ZNHIT6: variants seen among roughly 807,000 people sequenced by gnomAD.
The protein encoded by ZNHIT6 is zinc finger HIT-type containing 6, also known as box C/D snoRNA protein 1.
Under a neutral mutation model 57.2 loss-of-function variants are expected in ZNHIT6, and 45 were observed. That is an observed-to-expected ratio of 0.79 (90% CI 0.62 to 1.01). The LOEUF is 1.01. ZNHIT6 is among the 50% of genes least tolerant of loss of function. ZNHIT6 has a pLI of 0.00. For missense variants in ZNHIT6, 528 were observed against 567.3 expected (o/e 0.93, Z 0.70); for synonymous variants, 188 against 190.0 (o/e 0.99, Z 0.09).
At chr1:85,661,011 G>A (rs937695797) in intron 8 of ZNHIT6, among the ~76,000 whole-genome samples, 5 of 152,062 alleles carry the variant, frequency 3.3e-5, no homozygotes, top group African/African-American at 9.7e-5. Flanking sequence ...TAAATGAAGC[G>A]TTCAGATTTC....
intron 9 of ZNHIT6, among the ~76,000 whole-genome samples, chr1:85,654,898 A>C (rs529656932): frequency 6.6e-6 from 1 of 152,336 alleles, no homozygotes; most frequent in South Asian, 2.1e-4. Flanking sequence ...AAGAAAAATA[A>C]AGCTCAGAGA....
At chr1:85,700,378 TA>T (rs957531061) in intron 5 of ZNHIT6, among the ~76,000 whole-genome samples, 18 of 152,264 alleles carry the variant, frequency 1.2e-4, no homozygotes, top group African/African-American at 4.3e-4. Context: ...TGGGAAACAC[TA>T]AAAATGTAAG....
chr1:85,666,440 T>C (rs945748990), intron 8 of ZNHIT6, among the ~76,000 whole-genome samples: 3 of 152,192 alleles, frequency 2.0e-5, no homozygotes, highest in South Asian at 4.1e-4. Flanking sequence ...AGAATCAGAA[T>C]AGAATATATT....
chr1:85,704,053 T>G (rs1349453896), intron 4 of ZNHIT6, among the ~76,000 whole-genome samples: 2 of 152,134 alleles, frequency 1.3e-5, no homozygotes, highest in Non-Finnish European at 2.9e-5. Context: ...ATTAAAGAAC[T>G]GCACATTTAA....
At chr1:85,665,976 GGA>G (rs1463018776) in intron 8 of ZNHIT6, among the ~76,000 whole-genome samples, 3 of 152,164 alleles carry the variant, frequency 2.0e-5, no homozygotes, top group Non-Finnish European at 4.4e-5. Flanking sequence ...TCAAGAAAAT[GGA>G]GAGTTGGGAC....
intron 7 of ZNHIT6, among the ~76,000 whole-genome samples, chr1:85,678,425 A>C (rs1280605246): frequency 6.6e-6 from 1 of 152,138 alleles, no homozygotes; most frequent in Non-Finnish European, 1.5e-5. Context: ...CAGTTTCTCC[A>C]TCTGTAAAAT....
At chr1:85,681,150 T>C (rs1661862007) in intron 5 of ZNHIT6, among the ~76,000 whole-genome samples, 2 of 152,244 alleles carry the variant, frequency 1.3e-5, no homozygotes, top group African/African-American at 4.8e-5. Flanking sequence ...TCAGGGGCTT[T>C]TGGGAGCAGT....
At chr1:85,695,535 C>T (rs910455778) in intron 5 of ZNHIT6, among the ~76,000 whole-genome samples, 2 of 152,094 alleles carry the variant, frequency 1.3e-5, no homozygotes, top group Non-Finnish European at 2.9e-5. Flanking sequence ...ATATTTTGTT[C>T]AGCTTCAGAA....
intron 6 of ZNHIT6, among the ~76,000 whole-genome samples, chr1:85,680,430 C>T (rs1164185208): frequency 6.6e-6 from 1 of 152,142 alleles, no homozygotes; most frequent in African/African-American, 2.4e-5. Flanking sequence ...AAATAGGAAA[C>T]TTTCAGCCGT....
rs781575796 is a variant in ZNHIT6, at chr1:85,708,111, C to A, written c.174G>T (p.Gly58=). ...GTGLTGIKEI[G]DGEEGSGQRP... is the part of the protein sequence containing the mutation. ...TTTGTCCACTTCCTTCCTCTCCATC[C>A]CCTATCTCCTTTATCCCTGTCAGCC... Residue 58 remains glycine, a synonymous_variant, in exon 1 of 10, where the codon GGG becomes GGT. Coordinates refer to ENST00000370574, the MANE Select transcript of ZNHIT6 (RefSeq NM_017953.4). The A allele has an allele frequency of 2.5e-5, 41 of 1,614,022 alleles. No homozygotes were observed. Among genetic ancestry groups the A allele is most frequent in the African/African-American group, 8.0e-5 (6 of 74,910 alleles).
chr1:85,677,283 C>A lies in ZNHIT6; in HGVS notation c.1200G>T (p.Gly400=). 2 of 1,608,284 alleles carry A rather than the reference C, an allele frequency of 1.2e-6. No individual in the cohort carries two copies. The highest frequency in any genetic ancestry group is 1.7e-4 in the Middle Eastern group (1 of 5,970). ...ATTCAATCTTCATTAAAATCTGAAC[C>A]CCAGTCTGAGAGCGAATGTAGGCTT... is the stretch of plus-strand genomic sequence containing the variant. The part of the protein sequence containing the change: ...RLKAYIRSQT[G]VQILMKIEYM... Residue 400 remains glycine (G), a synonymous_variant, in exon 8 of 10, where the codon GGG becomes GGT. Transcript: ENST00000370574.
chr1:85,688,660 C>A (rs1213527607), intron 5 of ZNHIT6, among the ~76,000 whole-genome samples: 1 of 152,168 alleles, frequency 6.6e-6, no homozygotes, highest in African/African-American at 2.4e-5. Context: ...AACATACTTT[C>A]CTGGACACAA....
At chr1:85,668,453 A>C (rs911220624) in intron 8 of ZNHIT6, among the ~76,000 whole-genome samples, 1 of 152,162 alleles carries the variant, frequency 6.6e-6, no homozygotes, top group South Asian at 2.1e-4. Context: ...CTAATTCTTC[A>C]ACAGTTATTT....
intron 5 of ZNHIT6, among the ~76,000 whole-genome samples, chr1:85,697,290 T>C (rs541794213): frequency 3.3e-5 from 5 of 152,330 alleles, no homozygotes; most frequent in Non-Finnish European, 7.3e-5. Context: ...CTTTTCACTT[T>C]ATTATGGTCT....
Position 85,707,707 on chromosome 1 carries a change from A to C in ZNHIT6, c.578T>G (p.Ile193Ser), listed in dbSNP as rs1031650098. The change falls in exon 1 of 10, where the codon ATC becomes AGC. Residue 193 changes from isoleucine (I) to serine (S), a missense_variant. Coordinates refer to ENST00000370574, the MANE Select transcript of ZNHIT6 (RefSeq NM_017953.4). Reference sequence around the variant, plus strand: ...TTCTTTCACCTTTGTATCATCCACGATTTCTTTCTTCAGGAAATCCTTCTC... The same window carrying C: ...TTCTTTCACCTTTGTATCATCCACGCTTTCTTTCTTCAGGAAATCCTTCTC... ...KEEKDFLKKEIVDDTKVKEEP... is the reference protein window; with the variant it reads ...KEEKDFLKKESVDDTKVKEEP... 1.2e-6 allele frequency: 2 copies of C among 1,609,814 alleles called. No homozygotes were observed. The highest frequency in any genetic ancestry group is 1.7e-6 in the Non-Finnish European group (2 of 1,178,404).
intron 8 of ZNHIT6, among the ~76,000 whole-genome samples, chr1:85,662,024 C>T (rs1331293240): frequency 6.6e-6 from 1 of 152,008 alleles, no homozygotes; most frequent in East Asian, 1.9e-4. Flanking sequence ...GTTACAGTGA[C>T]ATATATAAAT....
intron 5 of ZNHIT6, among the ~76,000 whole-genome samples, chr1:85,687,172 C>A (rs538162193): frequency 6.7e-4 from 101 of 150,982 alleles, no homozygotes; most frequent in Non-Finnish European, 9.9e-4. Flanking sequence ...CCTAGCTACT[C>A]AGCAGGCTGC....
chr1:85,707,583 G>T, intron 1 of ZNHIT6, 46 bp downstream of exon 1: 1 of 1,505,336 alleles, frequency 6.6e-7, no homozygotes, highest in South Asian at 1.4e-5. Flanking sequence ...CTAGACATGA[G>T]GACTCCACAG....
intron 9 of ZNHIT6, among the ~76,000 whole-genome samples, chr1:85,656,570 T>TGA (rs1661065577): frequency 2.0e-5 from 3 of 152,030 alleles, no homozygotes; most frequent in Admixed American, 6.6e-5. Context: ...AACCAACATT[T>TGA]GAGAGAGCAC....
Sources: allele counts gnomAD v4.1 joint callset (sites outside exome capture counted in the v4.1 genomes callset), GRCh38; gene constraint gnomAD v4.1.1; transcripts MANE v1.5; gene names NCBI Gene and HGNC (gene_info 2026-07-23, HGNC 2026-07-21).